Variants in PPM1H observed in about 807,000 individuals in gnomAD.
The protein encoded by PPM1H is protein phosphatase, Mg2+/Mn2+ dependent 1H.
In PPM1H, 27 loss-of-function variants were observed where a neutral mutation model predicts 54.9. That is an observed-to-expected ratio of 0.49 (90% confidence interval 0.36 to 0.68). The LOEUF is 0.68. Ranked by LOEUF, PPM1H falls within the 30% of genes least tolerant of loss-of-function variation. The pLI, the probability that PPM1H is intolerant of heterozygous loss-of-function variation, is 0.00. For missense variants in PPM1H, 596 were observed against 667.8 expected (o/e 0.89, Z 1.19); for synonymous variants, 305 against 270.8 (o/e 1.13, Z -1.24).
intron 4 of PPM1H, among the ~76,000 whole-genome samples, chr12:62,773,370 G>A (rs72648150): frequency 0.024 from 3,725 of 152,234 alleles, 112 homozygotes; most frequent in East Asian, 0.12. Flanking sequence ...AACTACTTGG[G>A]AGGCTGAGGT....
chr12:62,842,667 T>C (rs955606274), intron 1 of PPM1H, among the ~76,000 whole-genome samples: 1 of 152,222 alleles, frequency 6.6e-6, no homozygotes, highest in East Asian at 1.9e-4. Context: ...GGGACTGTTA[T>C]GTAGTAAGGA....
chr12:62,715,447 G>C (rs966426850), intron 6 of PPM1H, among the ~76,000 whole-genome samples: 2 of 152,034 alleles, frequency 1.3e-5, no homozygotes, highest in Admixed American at 6.5e-5. Context: ...TGAGGAGAGG[G>C]GGAAGGGGAG....
intron 3 of PPM1H, among the ~76,000 whole-genome samples, chr12:62,790,944 C>T (rs2076698158): frequency 1.3e-5 from 2 of 152,322 alleles, no homozygotes; most frequent in South Asian, 2.1e-4. Context: ...TATCTGGACC[C>T]TTCCCGCAGC....
rs569682701 is a variant in PPM1H at position 62,824,488 on chromosome 12, T to C, written c.411+7626A>G. 1.1e-4 allele frequency among the ~76,000 whole-genome samples: 17 copies of C among 152,310 alleles called. No individual in the cohort carries two copies. The South Asian group carries it at 3.5e-3, about 32-fold the overall frequency. On this transcript the variant is annotated intron_variant, in intron 2 of 9. Transcript: ENST00000228705. ...ACAAAGCTGGAGGCATCACGCTACC[T>C]GACTTCAAACTATACTACAAGGCTA...
intron 1 of PPM1H, among the ~76,000 whole-genome samples, chr12:62,833,802 C>T (rs2120865913): frequency 6.6e-6 from 1 of 152,146 alleles, no homozygotes; most frequent in Middle Eastern, 3.4e-3. Context: ...AAGTTCATTC[C>T]CATCTGTACA....
intron 4 of PPM1H, chr12:62,755,082 T>C (rs1271423198): frequency 5.6e-6 from 2 of 359,966 alleles, no homozygotes; most frequent in Non-Finnish European, 1.1e-5. Flanking sequence ...CCAGTGATCG[T>C]CTTTGGATGG....
At chr12:62,702,456 C>A (rs1225452895) in intron 6 of PPM1H, among the ~76,000 whole-genome samples, 2 of 151,782 alleles carry the variant, frequency 1.3e-5, no homozygotes, top group African/African-American at 2.4e-5. Context: ...AACCCATGGG[C>A]CAGGAACCTA....
chr12:62,650,793 G>A (rs1212655026), intron 9 of PPM1H, among the ~76,000 whole-genome samples: 1 of 152,070 alleles, frequency 6.6e-6, no homozygotes, highest in Admixed American at 6.5e-5. Context: ...ACTCACTATC[G>A]TAAGAACAGC....
intron 3 of PPM1H, among the ~76,000 whole-genome samples, chr12:62,794,974 C>A (rs550841629): frequency 1.3e-5 from 2 of 152,182 alleles, no homozygotes; most frequent in Admixed American, 1.3e-4. Flanking sequence ...AGGAGGGATT[C>A]GCTACATAGC....
At chr12:62,728,437 C>T (rs559767027) in intron 5 of PPM1H, among the ~76,000 whole-genome samples, 1 of 152,240 alleles carries the variant, frequency 6.6e-6, no homozygotes, top group East Asian at 1.9e-4. Flanking sequence ...TAGTCCTGAG[C>T]AGAAACTGGT....
chr12:62,834,709 T>G (rs533753572), intron 1 of PPM1H, among the ~76,000 whole-genome samples: 145 of 152,212 alleles, frequency 9.5e-4, no homozygotes, highest in African/African-American at 3.1e-3. Context: ...GCCAAGTCAC[T>G]GGGGGGGCCT....
intron 8 of PPM1H, among the ~76,000 whole-genome samples, chr12:62,671,944 C>T (rs1470224104): frequency 1.3e-5 from 2 of 152,190 alleles, no homozygotes; most frequent in African/African-American, 4.8e-5. Context: ...GTGGGTAAAT[C>T]TTTGTCTGTC....
intron 4 of PPM1H, among the ~76,000 whole-genome samples, chr12:62,751,826 C>T (rs2076443968): frequency 6.6e-6 from 1 of 152,228 alleles, no homozygotes; most frequent in African/African-American, 2.4e-5. Context: ...TTCTTTGCTA[C>T]ATGCTCCTGT....
chr12:62,760,150 C>T (rs2076499839), intron 4 of PPM1H, among the ~76,000 whole-genome samples: 1 of 152,164 alleles, frequency 6.6e-6, no homozygotes, highest in Non-Finnish European at 1.5e-5. Context: ...TCTAAATAGC[C>T]AGAAAATGGC....
Position 62,934,394 on chromosome 12 carries a change from G to A in PPM1H, c.245+98C>T. The A allele has an allele frequency of 7.2e-7, 1 of 1,379,694 alleles. No individual in the cohort carries two copies. The highest frequency in any genetic ancestry group is 2.9e-5 in the East Asian group (1 of 34,746). 85.5% of individuals were successfully genotyped at this position (1,379,694 alleles called of 1,614,324 possible). A position where few individuals can be genotyped will look rare whatever the true frequency, so the allele number is the denominator to read the frequency against. On this transcript the variant is annotated intron_variant, in intron 1 of 9. Coordinates refer to ENST00000228705, the MANE Select transcript of PPM1H (RefSeq NM_020700.2). This position sits in a 1 kb window ranked among gnomAD's most constrained non-coding sequence, Gnocchi z 4.2. ...AGGCCTGGACGCCGGCAGCTAGTGA[G>A]AGCCCTGAGGCCGAGAAGCAGGGAG...
chr12:62,887,869 G>T (rs987216902), intron 1 of PPM1H, among the ~76,000 whole-genome samples: 3 of 152,168 alleles, frequency 2.0e-5, no homozygotes, highest in African/African-American at 7.2e-5. Flanking sequence ...CAACTGCAAA[G>T]GTCTGAAGTG....
At chr12:62,834,789 C>G (rs1338918518) in intron 1 of PPM1H, among the ~76,000 whole-genome samples, 1 of 152,158 alleles carries the variant, frequency 6.6e-6, no homozygotes, top group Non-Finnish European at 1.5e-5. Context: ...CCTCAGAGAA[C>G]CAAACCAGGC....
chr12:62,782,972 G>A (rs1191571796), intron 4 of PPM1H, among the ~76,000 whole-genome samples: 1 of 152,002 alleles, frequency 6.6e-6, no homozygotes, highest in Non-Finnish European at 1.5e-5. Context: ...GGGATTATAG[G>A]TGTGAGCCAC....
At chr12:62,862,228 G>A (rs1445430372) in intron 1 of PPM1H, among the ~76,000 whole-genome samples, 1 of 152,180 alleles carries the variant, frequency 6.6e-6, no homozygotes, top group East Asian at 1.9e-4. Context: ...GGAGAAGTCG[G>A]GGGTTAGGAT....
Sources: gnomAD v4.1 joint callset for allele counts (sites outside exome capture counted in the v4.1 genomes callset) on GRCh38, gnomAD v4.1.1 for gene constraint, Gnocchi (gnomAD v3.1) non-coding constraint, MANE v1.5 for transcripts, NCBI Gene and HGNC (gene_info 2026-07-23, HGNC 2026-07-21) for gene names.